The following ITGAV variants were observed in gnomAD, a reference collection of about 807,000 sequenced individuals.
ITGAV encodes integrin alpha-V.
ITGAV carries 76 observed loss-of-function variants against 143.8 expected under a neutral mutation model. The ratio of observed to expected loss-of-function variants is 0.53; its 90% CI spans 0.44 to 0.64. ITGAV has a LOEUF of 0.64. Among genes scored for constraint, ITGAV ranks in the 30% least tolerant of loss-of-function variants. ITGAV has a pLI of 0.00. For synonymous variants in ITGAV, 453 were observed against 446.7 expected, an observed-to-expected ratio of 1.01 and a Z score of -0.18; for missense variants, 1,193 against 1,274.7, an observed-to-expected ratio of 0.94 and a Z score of 0.98.
chr2:186,603,782 A>T (rs1390127486), intron 2 of ITGAV, among the ~76,000 whole-genome samples: 1 of 152,128 alleles, frequency 6.6e-6, no homozygotes, highest in African/African-American at 2.4e-5. Flanking sequence ...ACATTTGCAC[A>T]TGGTAAAACA....
intron 1 of ITGAV, among the ~76,000 whole-genome samples, chr2:186,593,658 A>G (rs1296609758): frequency 2.6e-5 from 4 of 152,006 alleles, no homozygotes; most frequent in Non-Finnish European, 5.9e-5. Flanking sequence ...CTAAGCACTT[A>G]TATCTCATTT....
chr2:186,633,094 G>T (rs534501610), intron 5 of ITGAV, among the ~76,000 whole-genome samples: 119 of 149,728 alleles, frequency 7.9e-4, no homozygotes, highest in African/African-American at 2.5e-3. Context: ...TTAAAGCCAG[G>T]AGTTTGACCA....
intron 2 of ITGAV, among the ~76,000 whole-genome samples, chr2:186,613,887 C>CT (rs1687283718): frequency 6.6e-6 from 1 of 151,798 alleles, no homozygotes; most frequent in Non-Finnish European, 1.5e-5. Flanking sequence ...ATATTCTACT[C>CT]TAATAGTTTA....
chr2:186,649,938 T>G (rs1266826321), intron 14 of ITGAV, 53 bp downstream of exon 14: 1 of 1,193,608 alleles, frequency 8.4e-7, no homozygotes, highest in African/African-American at 1.6e-5. Context: ...TATTTGAACG[T>G]TTTTTAATTA....
intron 2 of ITGAV, among the ~76,000 whole-genome samples, chr2:186,621,908 G>A (rs544898122): frequency 6.6e-6 from 1 of 152,128 alleles, no homozygotes; most frequent in African/African-American, 2.4e-5. Context: ...TTATGTCTTA[G>A]GCACACGTCT....
Position 186,590,146 on chromosome 2 carries a change from G to A in ITGAV, c.-193G>A, listed in dbSNP as rs199768134. On this transcript the variant is annotated 5_prime_UTR_variant, in exon 1 of 30. Coordinates refer to ENST00000261023, the MANE Select transcript of ITGAV (RefSeq NM_002210.5). ...GCTGTCCCCGCCCCGCGCGCTCTGC[G>A]CCCCTCGTCCCTGGCGGTCGCTCCG... The A allele has an allele frequency of 2.3e-6, 1 of 443,456 alleles. No homozygotes were observed. The highest frequency in any genetic ancestry group is 6.3e-5 in the South Asian group (1 of 15,770). The allele number at this position is 443,456 out of a possible 1,614,324, so 27.5% of individuals were successfully genotyped here.
intron 1 of ITGAV, among the ~76,000 whole-genome samples, chr2:186,592,901 A>C (rs900694523): frequency 6.6e-6 from 1 of 152,134 alleles, no homozygotes; most frequent in Non-Finnish European, 1.5e-5. Context: ...GTATATAAAC[A>C]CAGGTTTTTA....
Position 186,590,330 on chromosome 2 carries a change from A to T in ITGAV, c.-9A>T. 2.5e-6 allele frequency: 4 copies of T among 1,569,910 alleles called. No homozygotes were observed. The highest frequency in any genetic ancestry group is 3.4e-6 in the Non-Finnish European group (4 of 1,161,510). ...GCTCCCGGCTTGGCGTCCCGCGCGCACTTCGGCGATGGCTTTTCCGCCGCG... is the reference window on the plus strand; with the variant it reads ...GCTCCCGGCTTGGCGTCCCGCGCGCTCTTCGGCGATGGCTTTTCCGCCGCG... On this transcript the variant is annotated 5_prime_UTR_variant, in exon 1 of 30. Transcript: ENST00000261023.
In ITGAV at chr2:186,677,366, A is replaced by C; in HGVS notation, c.*74A>C. The stretch of plus-strand genomic sequence containing the variant: ...TTTATTATAGATTTAAACTTTCTTC[A>C]TGAGGAGTAAAAATCCAAGGCTTTA... On this transcript the variant is annotated 3_prime_UTR_variant, in exon 30 of 30. Coordinates refer to ENST00000261023, the MANE Select transcript of ITGAV (RefSeq NM_002210.5). 2.6e-6 allele frequency: 3 copies of C among 1,142,188 alleles called. No individual in the cohort carries two copies. The highest frequency in any genetic ancestry group is 5.1e-5 in the East Asian group (2 of 39,014). 70.8% of individuals were successfully genotyped at this position (1,142,188 alleles called of 1,614,324 possible).
rs1689250486 is a variant in ITGAV at position 186,677,612 on chromosome 2, G to T, written c.*320G>T. The T allele has an allele frequency of 5.0e-6, 1 of 198,150 alleles. No individual in the cohort carries two copies. Among genetic ancestry groups the T allele is most frequent in the African/African-American group, 2.4e-5 (1 of 42,432 alleles). The allele number at this position is 198,150 out of a possible 1,614,324, so 12.3% of individuals were successfully genotyped here. A position where few individuals can be genotyped will look rare whatever the true frequency, so the allele number is the denominator to read the frequency against. ...TAAAATAGTACCTCCTTCAGTTACT[G>T]TTTCTGATTTAATGTACGGAACTTT... On this transcript the variant is annotated 3_prime_UTR_variant, in exon 30 of 30. Transcript: ENST00000261023.
intron 15 of ITGAV, among the ~76,000 whole-genome samples, chr2:186,652,690 TG>T (rs1384862042): frequency 6.6e-6 from 1 of 152,174 alleles, no homozygotes; most frequent in Admixed American, 6.5e-5. Context: ...AACAGGCCCA[TG>T]AACACTTACA....
chr2:186,632,035 T>C (rs1396986999), intron 5 of ITGAV, among the ~76,000 whole-genome samples: 1 of 152,150 alleles, frequency 6.6e-6, no homozygotes, highest in African/African-American at 2.4e-5. Context: ...TCAATGTTTT[T>C]TTAAAAATTT....
chr2:186,619,364 T>C (rs955515197), intron 2 of ITGAV, among the ~76,000 whole-genome samples: 2 of 151,910 alleles, frequency 1.3e-5, no homozygotes, highest in Admixed American at 1.3e-4. Flanking sequence ...GTTGATGTCA[T>C]AGAAGTAAAA....
chr2:186,669,856 A>C, intron 26 of ITGAV, 42 bp downstream of exon 26: 1 of 1,273,672 alleles, frequency 7.9e-7, no homozygotes, highest in South Asian at 1.2e-5. Flanking sequence ...ACATTTAAAA[A>C]TATGTGACTA....
chr2:186,674,828 A>G (rs2105754264), intron 26 of ITGAV, among the ~76,000 whole-genome samples: 1 of 152,160 alleles, frequency 6.6e-6, no homozygotes, highest in Non-Finnish European at 1.5e-5. Flanking sequence ...TTTCTTACCT[A>G]ATTGCACTGG....
intron 13 of ITGAV, 117 bp downstream of exon 13, chr2:186,646,994 A>T: frequency 1.4e-6 from 1 of 713,128 alleles, no homozygotes; most frequent in Non-Finnish European, 2.2e-6. Flanking sequence ...TCATATGTTG[A>T]TCAAACCTCT....
In ITGAV at chr2:186,602,154, A is replaced by T; in HGVS notation, c.316+3A>T. On this transcript the variant is annotated splice_donor_region_variant and intron_variant, in intron 2 of 29. Coordinates refer to ENST00000261023, the MANE Select transcript of ITGAV (RefSeq NM_002210.5). ...GCCAATTGAATTTGATGCAACAGGTAAATTTTGATGCACAATTTTCTTTTC... is the reference window on the plus strand; with the variant it reads ...GCCAATTGAATTTGATGCAACAGGTTAATTTTGATGCACAATTTTCTTTTC... 1 of 1,601,186 alleles carries T rather than the reference A, an allele frequency of 6.2e-7. No homozygotes were observed. Among genetic ancestry groups the T allele is most frequent in the Non-Finnish European group, 8.5e-7 (1 of 1,175,562 alleles).
intron 1 of ITGAV, chr2:186,600,504 A>G (rs1185575625): frequency 1.1e-5 from 14 of 1,284,562 alleles, no homozygotes; most frequent in African/African-American, 1.5e-5. Context: ...TTCCCCTCTC[A>G]TCCTTAGAGA....
intron 5 of ITGAV, among the ~76,000 whole-genome samples, chr2:186,631,503 G>T (rs1317010710): frequency 6.6e-6 from 1 of 151,912 alleles, no homozygotes; most frequent in Non-Finnish European, 1.5e-5. Context: ...TTTCTTTTGT[G>T]TGTTTATTTA....
Sources: gnomAD v4.1 joint callset for allele counts (sites outside exome capture counted in the v4.1 genomes callset) on GRCh38, gnomAD v4.1.1 for gene constraint, MANE v1.5 for transcripts, NCBI Gene and HGNC (gene_info 2026-07-23, HGNC 2026-07-21) for gene names.